ATF6: variants seen among roughly 807,000 people sequenced by gnomAD.
ATF6 encodes activating transcription factor 6.
In ATF6, 53 loss-of-function variants were observed where a neutral mutation model predicts 83.6. The observed-to-expected ratio is 0.63, with a 90% CI of 0.51 to 0.80. ATF6 has a LOEUF of 0.80. Ranked by LOEUF, ATF6 falls within the 30% of genes least tolerant of loss-of-function variation. ATF6 has a pLI of 0.00. For missense variants in ATF6, 744 were observed against 797.9 expected, an observed-to-expected ratio of 0.93 and a Z score of 0.81; for synonymous variants, 288 against 285.8, an observed-to-expected ratio of 1.01 and a Z score of -0.08.
chr1:161,860,094 G>C, intron 12 of ATF6, 113 bp from the exon 13 acceptor site: 1 of 573,334 alleles, frequency 1.7e-6, no homozygotes, highest in Non-Finnish European at 2.8e-6. Flanking sequence ...GAATATGTCA[G>C]AAATCTTAGC....
chr1:161,790,771 A>G (rs1396653407), intron 4 of ATF6, among the ~76,000 whole-genome samples: 1 of 151,998 alleles, frequency 6.6e-6, no homozygotes, highest in Non-Finnish European at 1.5e-5. Context: ...AGATTGCGTC[A>G]CTGCACTCCA....
At chr1:161,776,375 T>G (rs148187177) in intron 1 of ATF6, among the ~76,000 whole-genome samples, 1 of 152,250 alleles carries the variant, frequency 6.6e-6, no homozygotes, top group African/African-American at 2.4e-5. Flanking sequence ...ATATGAGGCA[T>G]ATTGCTGGAG....
At chr1:161,839,893 G>C (rs1027805701) in intron 9 of ATF6, among the ~76,000 whole-genome samples, 1 of 152,188 alleles carries the variant, frequency 6.6e-6, no homozygotes, top group Non-Finnish European at 1.5e-5. Context: ...ATGTCAGAGA[G>C]GTGAGATACA....
At chr1:161,944,256 A>G (rs1002933666) in intron 15 of ATF6, among the ~76,000 whole-genome samples, 1 of 152,312 alleles carries the variant, frequency 6.6e-6, no homozygotes, top group East Asian at 1.9e-4. Flanking sequence ...ATCAGTTACT[A>G]TATCATAGAG....
At position 161,958,889 on chromosome 1, in the gene ATF6, G is replaced by A. The variant is rs757716354; in HGVS notation, c.*235G>A. The A allele has an allele frequency of 3.4e-5, 14 of 416,820 alleles. No individual in the cohort carries two copies. The highest frequency in any genetic ancestry group is 6.0e-5 in the Non-Finnish European group (14 of 233,466). The allele number at this position is 416,820 out of a possible 1,614,324, so 25.8% of individuals were successfully genotyped here. A position where few individuals can be genotyped will look rare whatever the true frequency, so the allele number is the denominator to read the frequency against. ...CAATGTTTCTTCAGTGGCAAATGTA[G>A]CCCTGCATCCTCCAGTGTTACCTGG... On this transcript the variant is annotated 3_prime_UTR_variant, in exon 16 of 16. Coordinates refer to ENST00000367942, the MANE Select transcript of ATF6 (RefSeq NM_007348.4).
intron 9 of ATF6, among the ~76,000 whole-genome samples, chr1:161,828,121 C>CT (rs565717038): frequency 1.9e-4 from 28 of 151,252 alleles, no homozygotes; most frequent in Admixed American, 4.6e-4. Context: ...GGTTTTTTTT[C>CT]TTTTTTTTAA....
chr1:161,807,302 A>G (rs1183673583), intron 7 of ATF6, among the ~76,000 whole-genome samples: 1 of 152,226 alleles, frequency 6.6e-6, no homozygotes, highest in Admixed American at 6.5e-5. Context: ...GCAAAACTTC[A>G]ATAGACGTTG....
chr1:161,914,638 T>C (rs1014763401), intron 15 of ATF6, among the ~76,000 whole-genome samples: 10 of 152,190 alleles, frequency 6.6e-5, no homozygotes, highest in African/African-American at 2.2e-4. Flanking sequence ...TCTCTGACTG[T>C]TACTTACTCT....
intron 13 of ATF6, among the ~76,000 whole-genome samples, chr1:161,861,161 A>G (rs1228367299): frequency 6.6e-6 from 1 of 152,210 alleles, no homozygotes; most frequent in Non-Finnish European, 1.5e-5. Flanking sequence ...GTCATTGACA[A>G]CAGTATCACT....
intron 15 of ATF6, among the ~76,000 whole-genome samples, chr1:161,944,557 C>T (rs1048124561): frequency 1.3e-5 from 2 of 152,202 alleles, no homozygotes; most frequent in East Asian, 1.9e-4. Context: ...CTTTTATCAT[C>T]ATTACCGTCT....
chr1:161,919,665 G>C (rs914070363), intron 15 of ATF6, among the ~76,000 whole-genome samples: 1 of 152,076 alleles, frequency 6.6e-6, no homozygotes, highest in Non-Finnish European at 1.5e-5. Context: ...CTTCCCTTCT[G>C]TGTGCCAGGT....
intron 15 of ATF6, among the ~76,000 whole-genome samples, chr1:161,943,165 T>C (rs564005528): frequency 8.3e-4 from 126 of 152,268 alleles, no homozygotes; most frequent in African/African-American, 2.8e-3. Context: ...CAAAACCTCA[T>C]CTTGAATTAT....
chr1:161,808,412 T>C (rs914082001), intron 7 of ATF6, among the ~76,000 whole-genome samples: 1 of 152,144 alleles, frequency 6.6e-6, no homozygotes, highest in Non-Finnish European at 1.5e-5. Context: ...GAGACAGTTC[T>C]TTAATATGTA....
intron 7 of ATF6, among the ~76,000 whole-genome samples, chr1:161,816,277 C>A (rs1237635940): frequency 6.6e-6 from 1 of 152,212 alleles, no homozygotes. Flanking sequence ...ATGAAATCAT[C>A]TGATATGCCC....
At chr1:161,897,666 T>C (rs1317813114) in intron 14 of ATF6, among the ~76,000 whole-genome samples, 1 of 152,184 alleles carries the variant, frequency 6.6e-6, no homozygotes, top group Admixed American at 6.5e-5. Context: ...CAGTAGTCAC[T>C]AGTCTTGAAA....
At chr1:161,930,830 A>G (rs1688416930) in intron 15 of ATF6, among the ~76,000 whole-genome samples, 1 of 152,226 alleles carries the variant, frequency 6.6e-6, no homozygotes, top group Non-Finnish European at 1.5e-5. Flanking sequence ...AATGACGTGA[A>G]GGAATTTATT....
chr1:161,920,779 T>C (rs930433270), intron 15 of ATF6, among the ~76,000 whole-genome samples: 1 of 152,122 alleles, frequency 6.6e-6, no homozygotes, highest in Non-Finnish European at 1.5e-5. Flanking sequence ...ATATTTGTAT[T>C]ACAGGCAGAA....
At chr1:161,770,498 G>T (rs529190078) in intron 1 of ATF6, among the ~76,000 whole-genome samples, 2 of 152,278 alleles carry the variant, frequency 1.3e-5, no homozygotes, top group South Asian at 2.1e-4. Flanking sequence ...GCACATGGCT[G>T]CCTTCTTCTT....
At chr1:161,865,446 C>T (rs905392992) in intron 14 of ATF6, among the ~76,000 whole-genome samples, 3 of 152,172 alleles carry the variant, frequency 2.0e-5, no homozygotes, top group African/African-American at 7.2e-5. Context: ...GCATGAGCCA[C>T]CGCGCCCAAC....
Sources: allele counts gnomAD v4.1 joint callset (sites outside exome capture counted in the v4.1 genomes callset), GRCh38; gene constraint gnomAD v4.1.1; transcripts MANE v1.5; gene names NCBI Gene and HGNC (gene_info 2026-07-23, HGNC 2026-07-21).